Variants in STX18 observed in about 807,000 individuals in gnomAD.
The protein encoded by STX18 is syntaxin 18.
Under a neutral mutation model 50.1 loss-of-function variants are expected in STX18, and 40 were observed. That is an observed-to-expected ratio of 0.80 (90% confidence interval 0.62 to 1.04). STX18 has a LOEUF of 1.04. STX18 is among the 50% of genes least tolerant of loss of function. STX18 has a pLI of 0.00. For missense variants in STX18, 410 were observed against 415.8 expected (o/e 0.99, Z 0.12); for synonymous variants, 158 against 151.8 (o/e 1.04, Z -0.30).
intron 2 of STX18, among the ~76,000 whole-genome samples, chr4:4,471,417 T>C (rs1031393019): frequency 2.6e-5 from 4 of 152,212 alleles, no homozygotes; most frequent in Admixed American, 2.0e-4. Flanking sequence ...CATAGAGAGA[T>C]ACAAATAGAC....
At chr4:4,422,891 T>C (rs1035332027) in intron 9 of STX18, among the ~76,000 whole-genome samples, 16 of 152,242 alleles carry the variant, frequency 1.1e-4, no homozygotes, top group African/African-American at 3.6e-4. Context: ...AACGTTCCCA[T>C]AGTCTTTGGA....
chr4:4,439,572 CAT>C (rs1358200038), intron 5 of STX18, among the ~76,000 whole-genome samples: 2 of 140,382 alleles, frequency 1.4e-5, no homozygotes, highest in Non-Finnish European at 3.1e-5. Context: ...ACCCCCTACC[CAT>C]ATATATACAC....
At chr4:4,496,901 C>T (rs1353154988) in intron 1 of STX18, among the ~76,000 whole-genome samples, 6 of 152,216 alleles carry the variant, frequency 3.9e-5, no homozygotes, top group Non-Finnish European at 8.8e-5. Flanking sequence ...CTTACACACC[C>T]TTTCAAGGAG....
chr4:4,484,307 G>A (rs1728607025), intron 1 of STX18, among the ~76,000 whole-genome samples: 2 of 152,192 alleles, frequency 1.3e-5, no homozygotes, highest in Non-Finnish European at 1.5e-5. Flanking sequence ...AAAGTGCAGA[G>A]GAAAACAGAA....
intron 1 of STX18, among the ~76,000 whole-genome samples, chr4:4,494,353 A>G (rs549047036): frequency 2.2e-4 from 33 of 152,184 alleles, no homozygotes; most frequent in African/African-American, 7.9e-4. Context: ...CCAGCTCCCC[A>G]AATTCCCTGG....
chr4:4,442,481 G>A (rs1194089999), intron 5 of STX18, among the ~76,000 whole-genome samples: 1 of 152,164 alleles, frequency 6.6e-6, no homozygotes, highest in Non-Finnish European at 1.5e-5. Flanking sequence ...GCCGGGCGTG[G>A]TGGCACGCAC....
intron 1 of STX18, among the ~76,000 whole-genome samples, chr4:4,530,836 A>G (rs995613300): frequency 2.0e-5 from 3 of 151,950 alleles, no homozygotes; most frequent in Admixed American, 2.0e-4. Context: ...TGAATTCCTA[A>G]GCTCAAGCGA....
At position 4,420,548 on chromosome 4, in the gene STX18, C is replaced by T. The variant is rs913485010; in HGVS notation, c.912+316G>A. 10 of 411,976 alleles carry T rather than the reference C, an allele frequency of 2.4e-5. No individual in the cohort carries two copies. The highest frequency in any genetic ancestry group is 3.6e-5 in the South Asian group (1 of 28,164). The allele number at this position is 411,976 out of a possible 1,614,324, so 25.5% of individuals were successfully genotyped here. A position where few individuals can be genotyped will look rare whatever the true frequency, so the allele number is the denominator to read the frequency against. On this transcript the variant is annotated intron_variant, in intron 10 of 10. Transcript: ENST00000306200. The surrounding 1 kb of genome is among the most constrained non-coding windows in gnomAD (Gnocchi z 4.3). ...AAGCAGGGGCCAGGCTCTGACCCCT[C>T]GGTGGGGGCCAACGAGCTACCCATG...
chr4:4,494,679 T>C (rs568370125), intron 1 of STX18, among the ~76,000 whole-genome samples: 51 of 152,258 alleles, frequency 3.3e-4, no homozygotes, highest in Admixed American at 1.0e-3. Flanking sequence ...GCTGAGGAAT[T>C]AACAATCAAG....
intron 5 of STX18, among the ~76,000 whole-genome samples, chr4:4,443,190 T>C (rs1179843940): frequency 2.6e-5 from 4 of 152,222 alleles, no homozygotes; most frequent in African/African-American, 7.2e-5. Flanking sequence ...CCCAAAGATA[T>C]AACAATAATA....
intron 1 of STX18, among the ~76,000 whole-genome samples, chr4:4,528,977 T>C (rs545644727): frequency 5.3e-5 from 8 of 152,268 alleles, no homozygotes; most frequent in Admixed American, 4.6e-4. Context: ...AATCCATAAA[T>C]TGGGTCTCCT....
chr4:4,466,658 G>A (rs1365353347), intron 2 of STX18, among the ~76,000 whole-genome samples: 2 of 152,174 alleles, frequency 1.3e-5, no homozygotes, highest in East Asian at 1.9e-4. Flanking sequence ...ACAGGTGCTG[G>A]GCGAGCAGGA....
At chr4:4,467,399 G>A (rs149536486) in intron 2 of STX18, among the ~76,000 whole-genome samples, 1 of 152,286 alleles carries the variant, frequency 6.6e-6, no homozygotes, top group Non-Finnish European at 1.5e-5. Flanking sequence ...AGTTGATTAG[G>A]TCAGATCTCG....
At chr4:4,526,335 C>T (rs1207911552) in intron 1 of STX18, among the ~76,000 whole-genome samples, 2 of 152,196 alleles carry the variant, frequency 1.3e-5, no homozygotes, top group South Asian at 2.1e-4. Flanking sequence ...ATGTACTGAA[C>T]TGTGCTCTGT....
At chr4:4,473,331 C>T (rs575078893) in intron 1 of STX18, among the ~76,000 whole-genome samples, 1 of 144,192 alleles carries the variant, frequency 6.9e-6, no homozygotes, top group South Asian at 2.2e-4. Flanking sequence ...CTTGCTCTGT[C>T]ACCAGGGCTG....
chr4:4,447,780 G>C (rs1051587402), intron 5 of STX18, among the ~76,000 whole-genome samples: 1 of 152,104 alleles, frequency 6.6e-6, no homozygotes, highest in Admixed American at 6.5e-5. Context: ...TTATTACTGT[G>C]AAATAACAAA....
At chr4:4,469,027 C>G (rs1577350338) in intron 2 of STX18, among the ~76,000 whole-genome samples, 1 of 152,306 alleles carries the variant, frequency 6.6e-6, no homozygotes, top group East Asian at 1.9e-4. Context: ...AAGGTAGACA[C>G]ACCAGAGTGT....
intron 1 of STX18, among the ~76,000 whole-genome samples, chr4:4,530,446 T>C (rs1160375186): frequency 6.6e-6 from 1 of 151,894 alleles, no homozygotes; most frequent in Non-Finnish European, 1.5e-5. Context: ...CACATTTACC[T>C]AACAATTTCT....
chr4:4,511,613 C>T (rs1030223427), intron 1 of STX18, among the ~76,000 whole-genome samples: 4 of 151,834 alleles, frequency 2.6e-5, no homozygotes, highest in African/African-American at 7.3e-5. Context: ...TCCTTCTAAA[C>T]CTGGGTGATG....
Sources: allele counts gnomAD v4.1 joint callset (sites outside exome capture counted in the v4.1 genomes callset), GRCh38; gene constraint gnomAD v4.1.1; non-coding constraint Gnocchi (gnomAD v3.1); transcripts MANE v1.5; gene names NCBI Gene and HGNC (gene_info 2026-07-23, HGNC 2026-07-21).